The following ZMYM2 variants were observed in gnomAD, a reference collection of about 807,000 sequenced individuals.
ZMYM2 encodes the protein zinc finger MYM-type protein 2.
Under a neutral mutation model 162.8 loss-of-function variants are expected in ZMYM2, and 56 were observed. That is an observed-to-expected ratio of 0.34 (90% confidence interval 0.28 to 0.43). ZMYM2 has a LOEUF of 0.43. ZMYM2 is among the 20% of genes least tolerant of loss of function. The pLI is 1.00. For synonymous variants in ZMYM2, 510 were observed against 541.6 expected (o/e 0.94, Z 0.81); for missense variants, 1,275 against 1,621.8 (o/e 0.79, Z 3.67).
At chr13:19,943,906 T>C in the ZMYM2 span, among the ~76,000 whole-genome samples, 1 of 152,124 alleles carries the variant, frequency 6.6e-6, no homozygotes, top group Non-Finnish European at 1.5e-5. Flanking sequence ...GCATGCAGAA[T>C]TGTTGGGGTA....
At chr13:19,917,381 G>A in the ZMYM2 span, among the ~76,000 whole-genome samples, 1 of 152,056 alleles carries the variant, frequency 6.6e-6, no homozygotes, top group Non-Finnish European at 1.5e-5. Flanking sequence ...CTGAGGTCAG[G>A]AGTTCGAGAC....
In ZMYM2 at chr13:19,963,127, C is replaced by T. The variant is rs554619770; in HGVS notation, c.-11+3101C>T. Among the ~76,000 whole-genome samples the T allele has an allele frequency of 3.3e-5, 5 of 152,300 alleles. No individual in the cohort carries two copies. In the East Asian group the frequency reaches 7.7e-4, roughly 23 times the overall value. ...GTGCTGAGATTACAGGCGTGAGCCA[C>T]CGTGCCGGCCTGCATGTGATTTTTT... On this transcript the variant is annotated intron_variant, in intron 2 of 24. Transcript: ENST00000610343.
intron 7 of ZMYM2, chr13:20,024,638 T>C (rs1447729469): frequency 4.5e-6 from 1 of 223,980 alleles, no homozygotes; most frequent in Non-Finnish European, 8.9e-6. Flanking sequence ...ATTGATTTGC[T>C]TTGTTTTTGT....
chr13:19,889,397 C>A, the ZMYM2 span, among the ~76,000 whole-genome samples: 1 of 152,002 alleles, frequency 6.6e-6, no homozygotes, highest in Non-Finnish European at 1.5e-5. Context: ...TGGCTCACTG[C>A]AACCTCTGCC....
chr13:20,047,433 T>A (rs915714789), intron 12 of ZMYM2, among the ~76,000 whole-genome samples: 2 of 152,146 alleles, frequency 1.3e-5, no homozygotes, highest in Non-Finnish European at 2.9e-5. Flanking sequence ...CCCTTACAAA[T>A]CATTCCGGCT....
Position 20,001,738 on chromosome 13 carries a change from A to C in ZMYM2, c.848-1112A>C, listed in dbSNP as rs1022161056. Among the ~76,000 whole-genome samples, 5 of 152,244 alleles carry C rather than the reference A, an allele frequency of 3.3e-5. No homozygotes were observed. The East Asian group carries it at 9.6e-4, about 29-fold the overall frequency. On this transcript the variant is annotated intron_variant, in intron 3 of 24. Coordinates refer to ENST00000610343, the MANE Select transcript of ZMYM2 (RefSeq NM_197968.4). ...TTATTTTAAGAAATTGCCACAGCCA[A>C]TTGGCAGCCACCATCGTGATCAGTC...
chr13:19,961,512 AATAG>A lies in ZMYM2; in HGVS notation c.-11+1489_-11+1492del, dbSNP rs199948491. Among the ~76,000 whole-genome samples, 470 of 152,362 alleles carry A rather than the reference AATAG, an allele frequency of 3.1e-3. 4 individuals are homozygous for A. Among genetic ancestry groups the A allele is most frequent in the African/African-American group, 0.011 (437 of 41,592 alleles). Reference sequence around the variant, plus strand: ...AATGAATCAAGGGTTAGATCTTTCAAATAGATGGATGATGCTTATCGCCACATAT... The same window carrying A: ...AATGAATCAAGGGTTAGATCTTTCAAATGGATGATGCTTATCGCCACATAT... On this transcript the variant is annotated intron_variant, in intron 2 of 24. Transcript: ENST00000610343.
At chr13:19,914,367 C>G in the ZMYM2 span, among the ~76,000 whole-genome samples, 1 of 152,198 alleles carries the variant, frequency 6.6e-6, no homozygotes, top group South Asian at 2.1e-4. Context: ...GGCTCATGAA[C>G]TTAGTGGTCA....
rs1484015501 is a variant in ZMYM2, at chr13:20,006,791, AT to A, written c.1512+208del. Among the ~76,000 whole-genome samples the A allele has an allele frequency of 2.0e-5, 3 of 152,128 alleles. No individual in the cohort carries two copies. The East Asian group carries it at 5.8e-4, about 29-fold the overall frequency. ...CCATCGTAAGTCAGGGACCATCTGT[AT>A]TTATTCATTTGAGGTAGGTCATTTC... is the stretch of plus-strand genomic sequence containing the variant. On this transcript the variant is annotated intron_variant, in intron 6 of 24. Transcript: ENST00000610343.
chr13:20,081,611 GT>G (rs1279921245), intron 21 of ZMYM2, among the ~76,000 whole-genome samples: 2 of 151,460 alleles, frequency 1.3e-5, no homozygotes, highest in African/African-American at 4.9e-5. Flanking sequence ...TTTTTCTTTA[GT>G]CATTACCTTA....
rs1391699029 is a variant in ZMYM2, at chr13:20,088,819, C to G, written c.*2805C>G. On this transcript the variant is annotated 3_prime_UTR_variant, in exon 25 of 25. Transcript: ENST00000610343. ...TAGTTATGACTTGGGAATGGGGTAA[C>G]TTCTTTATGCATAGTATTAAGGGTT... The G allele has an allele frequency of 5.2e-6, 1 of 193,860 alleles. No homozygotes were observed. The highest frequency in any genetic ancestry group is 1.1e-5 in the Non-Finnish European group (1 of 92,932). The allele number at this position is 193,860 out of a possible 1,614,324, so 12.0% of individuals were successfully genotyped here.
intron 17 of ZMYM2, 104 bp downstream of exon 17, chr13:20,061,328 T>C (rs915412652): frequency 1.6e-5 from 20 of 1,276,324 alleles, no homozygotes; most frequent in Non-Finnish European, 2.1e-5. Flanking sequence ...TCAACTTATG[T>C]GGGGGTGAGG....
At position 20,088,230 on chromosome 13, in the gene ZMYM2, T is replaced by G. The variant is rs768365916; in HGVS notation, c.*2216T>G. On this transcript the variant is annotated 3_prime_UTR_variant, in exon 25 of 25. Transcript: ENST00000610343. ...TGATTCTCAGGGGGAAAAGAAAAAC[T>G]TATTTTATGAGAATTGTTTGTTCTG... The G allele has an allele frequency of 5.3e-5, 11 of 207,728 alleles. No homozygotes were observed. The highest frequency in any genetic ancestry group is 1.1e-4 in the Non-Finnish European group (11 of 101,836). The allele number at this position is 207,728 out of a possible 1,614,324, so 12.9% of individuals were successfully genotyped here.
At chr13:19,950,990 C>T in the ZMYM2 span, among the ~76,000 whole-genome samples, 1 of 152,178 alleles carries the variant, frequency 6.6e-6, no homozygotes, top group Non-Finnish European at 1.5e-5. Context: ...ATTTTGTAAA[C>T]TTTCTTAAAA....
At chr13:19,910,148 A>T in the ZMYM2 span, among the ~76,000 whole-genome samples, 352 of 151,890 alleles carry the variant, frequency 2.3e-3, 2 homozygotes, top group African/African-American at 7.7e-3. Flanking sequence ...AATGGCGTGA[A>T]CCCGGGAGGC....
the ZMYM2 span, among the ~76,000 whole-genome samples, chr13:19,918,049 C>A: frequency 6.7e-6 from 1 of 149,486 alleles, no homozygotes; most frequent in Non-Finnish European, 1.5e-5. Context: ...AGAGGGAGAC[C>A]CTGTCTCAAA....
chr13:20,026,899 T>A, intron 8 of ZMYM2, 137 bp downstream of exon 8: 1 of 1,008,212 alleles, frequency 9.9e-7, no homozygotes, highest in Non-Finnish European at 1.4e-6. Context: ...CTGTTCTAAT[T>A]ATTTTGATTA....
At chr13:19,925,870 C>CAAA in the ZMYM2 span, among the ~76,000 whole-genome samples, 7 of 129,066 alleles carry the variant, frequency 5.4e-5, no homozygotes, top group Admixed American at 1.6e-4. Flanking sequence ...GACTCCATCT[C>CAAA]AAAAAAAAAA....
chr13:19,915,992 T>C, the ZMYM2 span, among the ~76,000 whole-genome samples: 1 of 151,916 alleles, frequency 6.6e-6, no homozygotes, highest in Non-Finnish European at 1.5e-5. Flanking sequence ...CCCGAGTAGC[T>C]GGGACTACAG....
Sources: allele counts gnomAD v4.1 joint callset (sites outside exome capture counted in the v4.1 genomes callset), GRCh38; gene constraint gnomAD v4.1.1; transcripts MANE v1.5; gene names NCBI Gene and HGNC (gene_info 2026-07-23, HGNC 2026-07-21).